The following TLR6 variants were observed in gnomAD, a reference collection of about 807,000 sequenced individuals.
TLR6 encodes the protein toll-like receptor 6.
Under a neutral mutation model 16.1 loss-of-function variants are expected in TLR6, and 9 were observed. The ratio of observed to expected loss-of-function variants is 0.56; its 90% CI spans 0.34 to 0.98. The LOEUF is 0.98. Ranked by LOEUF, TLR6 falls within the 50% of genes least tolerant of loss-of-function variation. TLR6 has a pLI of 0.02. For missense variants in TLR6, 786 were observed against 921.0 expected, an observed-to-expected ratio of 0.85 and a Z score of 1.90; for synonymous variants, 340 against 338.6, an observed-to-expected ratio of 1.00 and a Z score of -0.04.
chr4:38,858,085 C>G (rs1039911491), upstream of TLR6, among the ~76,000 whole-genome samples: 1 of 152,152 alleles, frequency 6.6e-6, no homozygotes, highest in African/African-American at 2.4e-5. Context: ...CTATTCTTGT[C>G]GAGGCTGTCA....
exon 2 of TLR6, chr4:38,829,043 T>A: frequency 6.2e-7 from 1 of 1,614,202 alleles, no homozygotes; most frequent in East Asian, 2.2e-5. Flanking sequence ...TTGTGATAAG[T>A]TGCCAAATTC....
upstream of TLR6, among the ~76,000 whole-genome samples, chr4:38,857,440 A>G (rs553033658): frequency 4.9e-3 from 743 of 152,314 alleles, 4 homozygotes; most frequent in African/African-American, 0.017. Flanking sequence ...AGACTAATTT[A>G]AAAATCAATT....
At chr4:38,842,548 G>T (rs1315037461) in intron 1 of TLR6, among the ~76,000 whole-genome samples, 4 of 152,240 alleles carry the variant, frequency 2.6e-5, no homozygotes, top group African/African-American at 7.2e-5. Flanking sequence ...CAAGGAGCCA[G>T]TCTCAGAAAC....
chr4:38,847,640 C>T (rs113347366), intron 1 of TLR6, among the ~76,000 whole-genome samples: 30,950 of 152,162 alleles, frequency 0.2, 4,006 homozygotes, highest in Non-Finnish European at 0.28. Context: ...GATTATATCC[C>T]GCACCTGGCT....
exon 2 of TLR6, chr4:38,824,697 T>C (rs1727465288): frequency 6.6e-6 from 1 of 152,240 alleles, no homozygotes; most frequent in African/African-American, 2.4e-5. Context: ...ACAAATGTTG[T>C]TCTCCTGAAG....
intron 1 of TLR6, among the ~76,000 whole-genome samples, chr4:38,845,200 T>C (rs1712468240): frequency 6.6e-6 from 1 of 152,208 alleles, no homozygotes; most frequent in Admixed American, 6.5e-5. Context: ...GTTTTATCTA[T>C]ATTGATCGAT....
Position 38,838,352 on chromosome 4 carries a change from C to T in TLR6, c.-64-8815G>A, listed in dbSNP as rs189237249. On this transcript the variant is annotated intron_variant, in intron 1 of 1. Coordinates refer to ENST00000436693, the Ensembl canonical transcript of TLR6. ...AAAATATGGAATCAACTTAACAGTC[C>T]ATCAACAGATGAATGGATAAATAAA... Among the ~76,000 whole-genome samples, 3 of 152,286 alleles carry T rather than the reference C, an allele frequency of 2.0e-5. No individual in the cohort carries two copies. The East Asian group carries it at 5.8e-4, about 29-fold the overall frequency.
At chr4:38,848,481 C>T (rs1712630655) in intron 1 of TLR6, among the ~76,000 whole-genome samples, 1 of 152,188 alleles carries the variant, frequency 6.6e-6, no homozygotes. Flanking sequence ...CAAACTTCTC[C>T]AACTAAAGGA....
exon 2 of TLR6, chr4:38,823,748 A>T (rs1297424594): frequency 2.0e-5 from 3 of 152,172 alleles, no homozygotes; most frequent in Non-Finnish European, 4.4e-5. Context: ...AACCTCCCAG[A>T]AACGACGGCA....
intron 1 of TLR6, among the ~76,000 whole-genome samples, chr4:38,842,767 A>G (rs1197844663): frequency 6.6e-6 from 1 of 151,892 alleles, no homozygotes; most frequent in Non-Finnish European, 1.5e-5. Context: ...CACATCTAAT[A>G]CCATCACGTT....
At chr4:38,867,748 G>GCCCTCCGGCCGCGTC in the TLR6 span, 1 of 151,030 alleles carries the variant, frequency 6.6e-6, no homozygotes, top group Admixed American at 6.6e-5. Context: ...CCAGCCGCCC[G>GCCCTCCGGCCGCGTC]CCCTCCGGCC....
the TLR6 span, among the ~76,000 whole-genome samples, chr4:38,865,839 A>G: frequency 6.6e-6 from 1 of 152,248 alleles, no homozygotes; most frequent in Admixed American, 6.5e-5. Context: ...TGGTTTTTCT[A>G]TGAATTTAAA....
At chr4:38,824,217 C>A (rs572376647) in exon 2 of TLR6, 45 of 152,342 alleles carry the variant, frequency 3.0e-4, no homozygotes, top group African/African-American at 1.1e-3. Context: ...TGCACAGTGT[C>A]CCCTCGGCAC....
chr4:38,865,913 C>T, the TLR6 span, among the ~76,000 whole-genome samples: 7 of 150,094 alleles, frequency 4.7e-5, no homozygotes, highest in East Asian at 1.0e-3. Flanking sequence ...CCGAGGTGGG[C>T]AGATCACTTG....
At chr4:38,845,002 T>C (rs148811034) in intron 1 of TLR6, among the ~76,000 whole-genome samples, 3,556 of 152,216 alleles carry the variant, frequency 0.023, 139 homozygotes, top group African/African-American at 0.078. Flanking sequence ...GAGGTTGCAG[T>C]GAGCTAAGAT....
chr4:38,831,655 C>T (rs545179760), intron 1 of TLR6, among the ~76,000 whole-genome samples: 1 of 152,266 alleles, frequency 6.6e-6, no homozygotes, highest in Admixed American at 6.5e-5. Context: ...AACTCTTAAG[C>T]TCCACAATAA....
exon 2 of TLR6, chr4:38,827,603 G>T (rs1473148827): frequency 3.1e-6 from 5 of 1,614,074 alleles, no homozygotes; most frequent in Non-Finnish European, 4.2e-6. Context: ...CCTGCGCCGA[G>T]TCTGGGTCCA....
exon 2 of TLR6, chr4:38,828,655 A>G: frequency 6.2e-7 from 1 of 1,614,166 alleles, no homozygotes; most frequent in Non-Finnish European, 8.5e-7. Context: ...GTTTGGGCCA[A>G]AGAAATTGAA....
chr4:38,827,958 A>C (rs1727628254), exon 2 of TLR6: 1 of 1,614,060 alleles, frequency 6.2e-7, no homozygotes, highest in African/African-American at 1.3e-5. Context: ...TGGGAAACTG[A>C]ATTGTGATCA....
Sources: allele counts gnomAD v4.1 joint callset (sites outside exome capture counted in the v4.1 genomes callset), GRCh38; gene constraint gnomAD v4.1.1; transcripts MANE v1.5; gene names NCBI Gene and HGNC (gene_info 2026-07-23, HGNC 2026-07-21).